SYTL3: variants seen among roughly 807,000 people sequenced by gnomAD.
SYTL3 encodes synaptotagmin-like protein 3.
A neutral mutation model predicts 82.1 loss-of-function variants in SYTL3; 88 were observed. That is an observed-to-expected ratio of 1.07 (90% CI 0.90 to 1.28). The LOEUF (loss-of-function observed/expected upper bound fraction) is 1.28. Ranked by LOEUF, SYTL3 falls within the 50% of genes most tolerant of loss-of-function variation. The pLI is 0.00. For synonymous variants in SYTL3, 311 were observed against 289.4 expected, an observed-to-expected ratio of 1.07 and a Z score of -0.76; for missense variants, 831 against 757.6, an observed-to-expected ratio of 1.10 and a Z score of -1.14.
intron 3 of SYTL3, among the ~76,000 whole-genome samples, chr6:158,661,959 C>T (rs1333493555): frequency 6.6e-6 from 1 of 152,144 alleles, no homozygotes; most frequent in Non-Finnish European, 1.5e-5. Context: ...TCCTATGTAA[C>T]ACAGCATACC....
chr6:158,725,790 A>AC, intron 11 of SYTL3, 153 bp downstream of exon 11: 1 of 1,065,350 alleles, frequency 9.4e-7, no homozygotes, highest in Non-Finnish European at 1.4e-6. Flanking sequence ...TCCATTCCTT[A>AC]AAGGCTTCCA....
At chr6:158,707,174 A>G in intron 6 of SYTL3, 56 bp from the exon 7 acceptor site, 1 of 1,518,632 alleles carries the variant, frequency 6.6e-7, no homozygotes, top group Non-Finnish European at 9.1e-7. Flanking sequence ...TCCTGTATTT[A>G]CATTAGCTAA....
intron 8 of SYTL3, among the ~76,000 whole-genome samples, chr6:158,713,200 G>A (rs1782955319): frequency 6.6e-6 from 1 of 152,076 alleles, no homozygotes; most frequent in Non-Finnish European, 1.5e-5. Flanking sequence ...GATTGGATGG[G>A]TGGTAATGTA....
chr6:158,742,731 C>T (rs1787097971), intron 11 of SYTL3, among the ~76,000 whole-genome samples: 1 of 152,026 alleles, frequency 6.6e-6, no homozygotes, highest in Non-Finnish European at 1.5e-5. Context: ...CAGGTGTGTG[C>T]TACCATGCCC....
At chr6:158,669,027 G>A (rs1271028664) in intron 5 of SYTL3, among the ~76,000 whole-genome samples, 1 of 152,176 alleles carries the variant, frequency 6.6e-6, no homozygotes, top group Non-Finnish European at 1.5e-5. Flanking sequence ...GAGAAACAAA[G>A]AAGTTAAAAG....
At position 158,718,189 on chromosome 6, in the gene SYTL3, C is replaced by G; in HGVS notation, c.698C>G (p.Thr233Ser). 1 of 1,540,798 alleles carries G rather than the reference C, an allele frequency of 6.5e-7. No individual in the cohort carries two copies. Among genetic ancestry groups the G allele is most frequent in the Middle Eastern group, 1.7e-4 (1 of 5,936 alleles). Residue 233 changes from threonine (T) to serine (S), a missense_variant, in exon 10 of 18, where the codon ACT (threonine) becomes AGT (serine). Physicochemically the swap from Thr to Ser is moderately conservative, Grantham distance 58. Transcript: ENST00000611299. The part of the protein sequence containing the change: ...GQTERRSQSD[T>S]AVNVTTRKVS... ...ACAGAGAGACGGAGCCAGTCTGACA[C>G]TGCGGTCAACGTCACCACCAGGGTA...
rs993840600 is a variant in SYTL3 at position 158,671,414 on chromosome 6, G to A, written c.329+5801G>A. Among the ~76,000 whole-genome samples the A allele has an allele frequency of 2.0e-5, 3 of 152,286 alleles. No homozygotes were observed. The East Asian group carries it at 5.8e-4, about 29-fold the overall frequency. On this transcript the variant is annotated intron_variant, in intron 5 of 17. Transcript: ENST00000611299. ...AGGGGAGCCCCAAGAGAGTTTTTCT[G>A]GGTTGGCATTTTGCATGGTAGCCAA...
At chr6:158,759,693 G>A (rs968065310) in intron 14 of SYTL3, among the ~76,000 whole-genome samples, 6 of 151,968 alleles carry the variant, frequency 3.9e-5, no homozygotes, top group South Asian at 2.1e-4. Flanking sequence ...CACCACACCT[G>A]GCTAATTTTT....
At chr6:158,741,662 T>G (rs1276648613) in intron 11 of SYTL3, among the ~76,000 whole-genome samples, 2 of 152,244 alleles carry the variant, frequency 1.3e-5, no homozygotes, top group Non-Finnish European at 2.9e-5. Flanking sequence ...TGGTCATTGC[T>G]GGTTGTCATA....
In SYTL3 at chr6:158,736,736, T is replaced by C. The variant is rs139879706; in HGVS notation, c.856-8744T>C. Among the ~76,000 whole-genome samples, 1,366 of 144,560 alleles carry C rather than the reference T, an allele frequency of 9.4e-3. 13 individuals carry two copies. Among genetic ancestry groups the C allele is most frequent in the African/African-American group, 0.033 (1,261 of 38,694 alleles). The allele number at this position is 144,560 out of a possible 152,430, so 94.8% of individuals were successfully genotyped here. A position where few individuals can be genotyped will look rare whatever the true frequency, so the allele number is the denominator to read the frequency against. ...CTGGGAAGTAGAGGTGGCAGTGAGC[T>C]GAGATCGTGCCATTGTACTCCAGCC... On this transcript the variant is annotated intron_variant, in intron 11 of 17. Transcript: ENST00000611299.
intron 5 of SYTL3, among the ~76,000 whole-genome samples, chr6:158,682,064 C>T (rs1014980489): frequency 1.8e-4 from 27 of 152,046 alleles, no homozygotes; most frequent in South Asian, 4.1e-4. Flanking sequence ...CTCAGCCTCC[C>T]GAGTAGCTGG....
chr6:158,713,797 T>C lies in SYTL3; in HGVS notation c.517-3T>C. ...TCATTCTCTCCTTCTGTCTCTGTTT[T>C]AGTTACAGGAATTTGGTCAGTTTAG... is the stretch of plus-strand genomic sequence containing the variant. On this transcript the variant is annotated splice_region_variant and splice_polypyrimidine_tract_variant and intron_variant, in intron 8 of 17. Coordinates refer to ENST00000611299, the MANE Select transcript of SYTL3 (RefSeq NM_001242394.2). 6.5e-7 allele frequency: 1 copy of C among 1,543,094 alleles called. No individual in the cohort carries two copies. Among genetic ancestry groups the C allele is most frequent in the Non-Finnish European group, 8.8e-7 (1 of 1,139,746 alleles).
intron 9 of SYTL3, among the ~76,000 whole-genome samples, chr6:158,715,224 T>A (rs906325759): frequency 2.0e-5 from 3 of 152,092 alleles, no homozygotes. Flanking sequence ...GCACAGCCCT[T>A]CTCCAAATCT....
chr6:158,680,575 C>CAAAAAAAAAAAAA (rs71297002), intron 5 of SYTL3, among the ~76,000 whole-genome samples: 33 of 78,200 alleles, frequency 4.2e-4, no homozygotes, highest in Non-Finnish European at 6.9e-4. Flanking sequence ...CCCGTCTCTA[C>CAAAAAAAAAAAAA]AAAAAAAAAA....
chr6:158,744,466 C>G (rs1204570731), intron 11 of SYTL3, among the ~76,000 whole-genome samples: 1 of 151,996 alleles, frequency 6.6e-6, no homozygotes, highest in East Asian at 1.9e-4. Context: ...CGCCACCATG[C>G]CTGGCTAATT....
chr6:158,729,740 G>A (rs1356614092), intron 11 of SYTL3, among the ~76,000 whole-genome samples: 1 of 151,656 alleles, frequency 6.6e-6, no homozygotes, highest in African/African-American at 2.4e-5. Flanking sequence ...CTAATCTTTT[G>A]TATTTTTAGT....
intron 2 of SYTL3, among the ~76,000 whole-genome samples, chr6:158,653,228 C>T (rs140930300): frequency 7.9e-5 from 12 of 152,046 alleles, no homozygotes; most frequent in African/African-American, 2.7e-4. Flanking sequence ...GCAAGCAGGC[C>T]GGTCGCAGTG....
At chr6:158,660,405 A>T (rs534513755) in intron 2 of SYTL3, among the ~76,000 whole-genome samples, 279 of 152,342 alleles carry the variant, frequency 1.8e-3, no homozygotes, top group African/African-American at 6.4e-3. Context: ...CGCGGAGTGA[A>T]TGGGCACTAG....
chr6:158,748,150 A>AG (rs1787909052), intron 12 of SYTL3, among the ~76,000 whole-genome samples: 1 of 151,240 alleles, frequency 6.6e-6, no homozygotes, highest in Non-Finnish European at 1.5e-5. Context: ...AGTTTAAGGC[A>AG]GGGGCCTCAG....
Sources: gnomAD v4.1 joint callset for allele counts (sites outside exome capture counted in the v4.1 genomes callset) on GRCh38, gnomAD v4.1.1 for gene constraint, MANE v1.5 for transcripts, NCBI Gene and HGNC (gene_info 2026-07-23, HGNC 2026-07-21) for gene names.